The following EXOSC7 variants were observed in gnomAD, a reference collection of about 807,000 sequenced individuals.
EXOSC7 encodes exosome component 7.
In EXOSC7, 25 loss-of-function variants were observed where a neutral mutation model predicts 34.3. That is an observed-to-expected ratio of 0.73 (90% CI 0.53 to 1.02). The LOEUF (loss-of-function observed/expected upper bound fraction) is 1.02. Among genes scored for constraint, EXOSC7 ranks in the 50% least tolerant of loss-of-function variants. The pLI, the probability that EXOSC7 is intolerant of heterozygous loss-of-function variation, is 0.00. For synonymous variants in EXOSC7, 130 were observed against 143.0 expected (o/e 0.91, Z 0.65); for missense variants, 370 against 368.5 (o/e 1.00, Z -0.03).
intron 4 of EXOSC7, among the ~76,000 whole-genome samples, chr3:45,000,694 G>A (rs903845494): frequency 6.6e-6 from 1 of 152,320 alleles, no homozygotes; most frequent in East Asian, 1.9e-4. Context: ...CATTACATAC[G>A]AGAAGTAATT....
At chr3:45,001,714 A>G in intron 5 of EXOSC7, 106 bp downstream of exon 5, 1 of 817,494 alleles carries the variant, frequency 1.2e-6, no homozygotes. Flanking sequence ...TGAAGATAAC[A>G]GGGGGTTTTA....
chr3:45,003,073 C>T (rs1706923940), intron 5 of EXOSC7, among the ~76,000 whole-genome samples: 1 of 152,100 alleles, frequency 6.6e-6, no homozygotes, highest in Non-Finnish European at 1.5e-5. Context: ...AACTGTATAC[C>T]AGAAAGGTTA....
intron 6 of EXOSC7, among the ~76,000 whole-genome samples, chr3:45,007,119 T>C (rs560605010): frequency 6.6e-6 from 1 of 152,170 alleles, no homozygotes; most frequent in Non-Finnish European, 1.5e-5. Context: ...ATTTCTCCCT[T>C]GTGCCCCTCT....
At chr3:44,984,665 G>A (rs1461746294) in intron 1 of EXOSC7, among the ~76,000 whole-genome samples, 1 of 152,186 alleles carries the variant, frequency 6.6e-6, no homozygotes, top group African/African-American at 2.4e-5. Flanking sequence ...CTGAACTTGG[G>A]CCATTCATTT....
At chr3:44,992,184 T>C (rs574131030) in intron 3 of EXOSC7, among the ~76,000 whole-genome samples, 39 of 152,318 alleles carry the variant, frequency 2.6e-4, no homozygotes, top group African/African-American at 9.4e-4. Context: ...ACTCCAGGCA[T>C]AGGGCCTCTG....
At chr3:45,009,401 A>G (rs547652407) in intron 7 of EXOSC7, among the ~76,000 whole-genome samples, 21 of 152,236 alleles carry the variant, frequency 1.4e-4, no homozygotes, top group African/African-American at 4.8e-4. Context: ...CAGAGGCGTC[A>G]AGGCCCTCTC....
chr3:44,988,834 G>A (rs1706490605), intron 1 of EXOSC7, among the ~76,000 whole-genome samples: 1 of 152,128 alleles, frequency 6.6e-6, no homozygotes, highest in Admixed American at 6.5e-5. Flanking sequence ...TCTTGTTTTT[G>A]TGTGCATATT....
At chr3:45,005,544 A>G (rs1707011972) in intron 6 of EXOSC7, 130 bp downstream of exon 6, 2 of 831,784 alleles carry the variant, frequency 2.4e-6, no homozygotes, top group Non-Finnish European at 1.8e-6. Context: ...GCTTTTACCC[A>G]AATCCAATAA....
At chr3:45,003,322 A>G (rs565393157) in intron 5 of EXOSC7, among the ~76,000 whole-genome samples, 1 of 139,396 alleles carries the variant, frequency 7.2e-6, no homozygotes, top group Non-Finnish European at 1.5e-5. Context: ...AAATTGGGAG[A>G]TACTGTGCGT....
intron 1 of EXOSC7, among the ~76,000 whole-genome samples, chr3:44,980,367 A>G (rs1368138991): frequency 1.3e-5 from 2 of 152,224 alleles, no homozygotes; most frequent in African/African-American, 4.8e-5. Flanking sequence ...TTTGAAGGCT[A>G]TATCCCATTC....
At chr3:45,007,288 A>G in intron 6 of EXOSC7, 132 bp from the exon 7 acceptor site, 2 of 899,276 alleles carry the variant, frequency 2.2e-6, no homozygotes, top group South Asian at 3.5e-5. Context: ...CGTGAGCAGA[A>G]TCTAAAATAA....
At chr3:44,992,774 C>T (rs914011321) in intron 3 of EXOSC7, among the ~76,000 whole-genome samples, 2 of 152,010 alleles carry the variant, frequency 1.3e-5, no homozygotes, top group Non-Finnish European at 1.5e-5. Flanking sequence ...TGCCACTAGG[C>T]GGCGAGCCAT....
chr3:44,989,585 A>G lies in EXOSC7; in HGVS notation c.195A>G (p.Glu65=). The change falls in exon 3 of 8, where the codon GAA becomes GAG. Residue 65 remains glutamate, a synonymous_variant. Coordinates refer to ENST00000265564, the MANE Select transcript of EXOSC7 (RefSeq NM_015004.4). ...HTDILVGVKA[E]MGTPKLEKPN... ...ACATCTTGGTGGGAGTGAAAGCAGA[A>G]ATGGGGACGCCGAAGCTGGAGAAAC... The G allele has an allele frequency of 1.2e-6, 2 of 1,614,196 alleles. No homozygotes were observed. Among genetic ancestry groups the G allele is most frequent in the Non-Finnish European group, 1.7e-6 (2 of 1,180,022 alleles).
At chr3:44,976,905 G>T (rs1706063305) in intron 1 of EXOSC7, among the ~76,000 whole-genome samples, 1 of 152,158 alleles carries the variant, frequency 6.6e-6, no homozygotes, top group African/African-American at 2.4e-5. Context: ...GTGAAACCCC[G>T]TCTCTGCTAA....
intron 5 of EXOSC7, among the ~76,000 whole-genome samples, chr3:45,002,729 G>A (rs1179991640): frequency 6.6e-6 from 1 of 152,152 alleles, no homozygotes; most frequent in African/African-American, 2.4e-5. Flanking sequence ...GACTCCCTGT[G>A]TAATTTAGAG....
Position 45,005,310 on chromosome 3 carries a change from T to C in EXOSC7, c.511T>C (p.Leu171=). 1 of 1,614,112 alleles carries C rather than the reference T, an allele frequency of 6.2e-7. No individual in the cohort carries two copies. Among genetic ancestry groups the C allele is most frequent in the Non-Finnish European group, 8.5e-7 (1 of 1,179,996 alleles). The part of the protein sequence containing the change: ...FNTRIPRVRV[L]EDEEGSKDIE... ...TTCCAGGATACCAAGGGTTCGAGTTTTGGAGGATGAAGAGGGGTCGAAGGA... is the reference window on the plus strand; with the variant it reads ...TTCCAGGATACCAAGGGTTCGAGTTCTGGAGGATGAAGAGGGGTCGAAGGA... The change falls in exon 6 of 8, where the codon TTG becomes CTG. Residue 171 remains leucine, a synonymous_variant. Transcript: ENST00000265564.
At chr3:45,001,207 C>A (rs927067502) in intron 4 of EXOSC7, among the ~76,000 whole-genome samples, 2 of 151,878 alleles carry the variant, frequency 1.3e-5, no homozygotes, top group African/African-American at 4.8e-5. Context: ...TACCCCAGCA[C>A]TTTGGGAGGC....
intron 3 of EXOSC7, among the ~76,000 whole-genome samples, chr3:44,991,263 C>T (rs1217176764): frequency 2.0e-5 from 3 of 152,188 alleles, no homozygotes; most frequent in African/African-American, 4.8e-5. Context: ...GTCGTCTCTC[C>T]TGGTTCTGCT....
intron 3 of EXOSC7, among the ~76,000 whole-genome samples, chr3:44,993,145 G>A (rs945392924): frequency 5.9e-5 from 9 of 152,148 alleles, no homozygotes; most frequent in African/African-American, 2.2e-4. Flanking sequence ...GAGGCTAATT[G>A]TAATCAAAGT....
Sources: allele counts gnomAD v4.1 joint callset (sites outside exome capture counted in the v4.1 genomes callset), GRCh38; gene constraint gnomAD v4.1.1; transcripts MANE v1.5; gene names NCBI Gene and HGNC (gene_info 2026-07-23, HGNC 2026-07-21).